ZMYM4: variants seen among roughly 807,000 people sequenced by gnomAD.
The protein encoded by ZMYM4 is zinc finger MYM-type containing 4.
In ZMYM4, 31 loss-of-function variants were observed where a neutral mutation model predicts 183.2. That is an observed-to-expected ratio of 0.17 (90% CI 0.13 to 0.23). The LOEUF is 0.23. Among genes scored for constraint, ZMYM4 ranks in the 10% least tolerant of loss-of-function variants. The probability of loss-of-function intolerance (pLI) is 1.00; values close to 1 mark genes in which losing one functional copy is unlikely to be tolerated. For synonymous variants in ZMYM4, 592 were observed against 631.2 expected (o/e 0.94, Z 0.93); for missense variants, 1,273 against 1,840.3 (o/e 0.69, Z 5.64).
At chr1:35,270,607 A>C (rs539130743) in intron 1 of ZMYM4, among the ~76,000 whole-genome samples, 2 of 152,084 alleles carry the variant, frequency 1.3e-5, no homozygotes, top group South Asian at 4.1e-4. Context: ...AAAAATACAA[A>C]AAATTAACCC....
intron 2 of ZMYM4, among the ~76,000 whole-genome samples, chr1:35,339,767 A>G (rs1014591241): frequency 2.6e-5 from 4 of 152,102 alleles, no homozygotes; most frequent in Non-Finnish European, 4.4e-5. Context: ...CCCTACACTA[A>G]TTTTTTATAT....
At chr1:35,279,901 T>G (rs999348731) in intron 1 of ZMYM4, among the ~76,000 whole-genome samples, 2 of 152,196 alleles carry the variant, frequency 1.3e-5, no homozygotes, top group Non-Finnish European at 2.9e-5. Context: ...GTGTATGTAT[T>G]CTCTAAGACT....
At chr1:35,346,650 C>CAAAAAAAAAAAAAAAAAAAAAAAA (rs746472685) in intron 2 of ZMYM4, among the ~76,000 whole-genome samples, 1 of 54,162 alleles carries the variant, frequency 1.8e-5, no homozygotes, top group African/African-American at 4.7e-5. Context: ...GACTCCATCT[C>CAAAAAAAAAAAAAAAAAAAAAAAA]AAAAAAAAAA....
intron 26 of ZMYM4, 90 bp downstream of exon 26, chr1:35,408,249 C>A: frequency 7.1e-7 from 1 of 1,413,038 alleles, no homozygotes; most frequent in Non-Finnish European, 9.7e-7. Context: ...TGTACACACC[C>A]AGATATATAC....
At chr1:35,357,241 A>C (rs1205313303) in intron 2 of ZMYM4, among the ~76,000 whole-genome samples, 3 of 152,194 alleles carry the variant, frequency 2.0e-5, no homozygotes, top group African/African-American at 7.2e-5. Flanking sequence ...ATTACAGATA[A>C]TCCAACTCAA....
chr1:35,403,762 GTATAATTTCTTTAACTATGATAGAATTT>G, intron 23 of ZMYM4, among the ~76,000 whole-genome samples: 1 of 141,202 alleles, frequency 7.1e-6, no homozygotes, highest in South Asian at 2.2e-4. Context: ...GATAGAATTT[GTATAATTTCTTTAACTATGATAGAATTT>G]AACTATGATG....
intron 10 of ZMYM4, among the ~76,000 whole-genome samples, chr1:35,385,819 TC>T (rs1336188608): frequency 6.6e-6 from 1 of 152,206 alleles, no homozygotes; most frequent in Non-Finnish European, 1.5e-5. Flanking sequence ...TAATATATTT[TC>T]TTTTTCCCTA....
chr1:35,381,847 C>A, intron 9 of ZMYM4, 89 bp downstream of exon 9: 1 of 1,496,570 alleles, frequency 6.7e-7, no homozygotes, highest in Non-Finnish European at 9.0e-7. Context: ...TGTTGTTTTG[C>A]AATATTGGGT....
chr1:35,297,209 CA>C, intron 1 of ZMYM4, among the ~76,000 whole-genome samples: 1 of 152,108 alleles, frequency 6.6e-6, no homozygotes, highest in East Asian at 1.9e-4. Flanking sequence ...TGTCTGCCCT[CA>C]CTTTCACACA....
chr1:35,349,676 A>T (rs183393529), intron 2 of ZMYM4, among the ~76,000 whole-genome samples: 125 of 151,570 alleles, frequency 8.2e-4, no homozygotes, highest in African/African-American at 2.8e-3. Flanking sequence ...AAAAATACAA[A>T]AAAACCAGCC....
intron 1 of ZMYM4, chr1:35,295,894 A>G (rs1342536388): frequency 1.3e-5 from 2 of 152,188 alleles, no homozygotes; most frequent in African/African-American, 2.4e-5. Flanking sequence ...TTTCTGTTAT[A>G]TAGATTAAAC....
chr1:35,332,434 T>C (rs1029863851), intron 2 of ZMYM4, among the ~76,000 whole-genome samples: 2 of 150,016 alleles, frequency 1.3e-5, no homozygotes, highest in Non-Finnish European at 3.0e-5. Flanking sequence ...CTCCACAATG[T>C]CTTTGGTCTT....
At chr1:35,318,054 G>GTTTTTTT (rs58071694) in intron 1 of ZMYM4, among the ~76,000 whole-genome samples, 6 of 116,618 alleles carry the variant, frequency 5.1e-5, no homozygotes, top group Admixed American at 9.0e-5. Context: ...GATTATGGCA[G>GTTTTTTT]TTTTTTTTTT....
chr1:35,415,733 C>G lies in ZMYM4; in HGVS notation c.4309+19C>G, dbSNP rs1014966303. 7 of 1,605,100 alleles carry G rather than the reference C, an allele frequency of 4.4e-6. No homozygotes were observed. Among genetic ancestry groups the G allele is most frequent in the Non-Finnish European group, 5.9e-6 (7 of 1,178,670 alleles). Reference sequence around the variant, plus strand: ...GAACCAGGTACGGGATACTGTTTGTCAGATTTCTCTTTGAAGTCTTAGTAG... The same window carrying G: ...GAACCAGGTACGGGATACTGTTTGTGAGATTTCTCTTTGAAGTCTTAGTAG... On this transcript the variant is annotated intron_variant, in intron 28 of 29. Coordinates refer to ENST00000314607, the MANE Select transcript of ZMYM4 (RefSeq NM_005095.3).
Position 35,269,009 on chromosome 1 carries a change from C to A in ZMYM4, c.-38C>A, listed in dbSNP as rs1048121767. The A allele has an allele frequency of 4.6e-6, 7 of 1,520,580 alleles. No homozygotes were observed. In the Admixed American group the frequency reaches 1.0e-4, roughly 23 times the overall value. The allele number at this position is 1,520,580 out of a possible 1,614,324, so 94.2% of individuals were successfully genotyped here. On this transcript the variant is annotated 5_prime_UTR_variant, in exon 1 of 30. Coordinates refer to ENST00000314607, the MANE Select transcript of ZMYM4 (RefSeq NM_005095.3). ...GGGGGCCGAGAGGTACCGCCGCCAC[C>A]GCGCGGGGAGCCGCAGCGGTTCCGA...
intron 25 of ZMYM4, 130 bp downstream of exon 25, chr1:35,405,598 C>A: frequency 1.3e-6 from 1 of 758,606 alleles, no homozygotes; most frequent in Non-Finnish European, 2.0e-6. Context: ...TTAATCTTAT[C>A]CCGTTTTAAG....
chr1:35,371,112 CATTT>C (rs1260189525), intron 7 of ZMYM4, among the ~76,000 whole-genome samples: 14 of 116,472 alleles, frequency 1.2e-4, no homozygotes, highest in South Asian at 2.8e-4. Flanking sequence ...TGTGTGCGCA[CATTT>C]ATTTATTTAT....
At chr1:35,313,451 C>T (rs956659442) in intron 1 of ZMYM4, among the ~76,000 whole-genome samples, 6 of 146,198 alleles carry the variant, frequency 4.1e-5, no homozygotes, top group East Asian at 2.0e-4. Flanking sequence ...TGTAGTAGCA[C>T]GATCTCAGCC....
chr1:35,334,409 C>A (rs1642890223), intron 2 of ZMYM4, among the ~76,000 whole-genome samples: 1 of 152,142 alleles, frequency 6.6e-6, no homozygotes, highest in South Asian at 2.1e-4. Context: ...TATTATAGCT[C>A]TTCTTAATAT....
Sources: gnomAD v4.1 joint callset for allele counts (sites outside exome capture counted in the v4.1 genomes callset) on GRCh38, gnomAD v4.1.1 for gene constraint, MANE v1.5 for transcripts, NCBI Gene and HGNC (gene_info 2026-07-23, HGNC 2026-07-21) for gene names.